Variants in PCED1B observed in about 807,000 individuals in gnomAD.
PCED1B encodes the protein PC-esterase domain-containing protein 1B.
For synonymous variants in PCED1B, 251 were observed against 246.1 expected, an observed-to-expected ratio of 1.02 and a Z score of -0.19; for missense variants, 573 against 573.9, an observed-to-expected ratio of 1.00 and a Z score of 0.02.
chr12:47,147,418 T>C (rs900975432), intron 2 of PCED1B, among the ~76,000 whole-genome samples: 2 of 152,218 alleles, frequency 1.3e-5, no homozygotes, highest in Non-Finnish European at 2.9e-5. Context: ...TACTTCAGTT[T>C]CCAATTCCTT....
chr12:47,219,235 A>G (rs907983493), intron 3 of PCED1B, among the ~76,000 whole-genome samples: 2 of 152,236 alleles, frequency 1.3e-5, no homozygotes, highest in African/African-American at 4.8e-5. Flanking sequence ...TGATAGCAAC[A>G]ATAATAAAAT....
intron 1 of PCED1B, among the ~76,000 whole-genome samples, chr12:47,087,583 A>T (rs1938049346): frequency 1.3e-5 from 2 of 152,234 alleles, no homozygotes; most frequent in Admixed American, 1.3e-4. Context: ...TATAGGATAT[A>T]AGGTGGTATA....
intron 2 of PCED1B, chr12:47,210,375 T>G (rs1419580123): frequency 2.0e-5 from 3 of 152,330 alleles, no homozygotes; most frequent in Admixed American, 1.3e-4. Context: ...AATAGAATAT[T>G]GACATATGAT....
chr12:47,197,433 C>T (rs1325433746), intron 2 of PCED1B, among the ~76,000 whole-genome samples: 3 of 151,142 alleles, frequency 2.0e-5, no homozygotes, highest in African/African-American at 7.3e-5. Context: ...ATGGTGAAAC[C>T]CCATCTCTAC....
chr12:47,233,298 C>G (rs1301443849), intron 3 of PCED1B, among the ~76,000 whole-genome samples: 1 of 152,164 alleles, frequency 6.6e-6, no homozygotes, highest in Non-Finnish European at 1.5e-5. Flanking sequence ...TCCGCCACCA[C>G]GCCCGGCTAA....
chr12:47,216,977 T>C (rs1943278258), intron 3 of PCED1B, among the ~76,000 whole-genome samples: 1 of 152,186 alleles, frequency 6.6e-6, no homozygotes, highest in African/African-American at 2.4e-5. Context: ...TCTGCAATCT[T>C]GTATGTTGTG....
At chr12:47,148,517 CA>C (rs1427616858) in intron 2 of PCED1B, among the ~76,000 whole-genome samples, 1 of 152,146 alleles carries the variant, frequency 6.6e-6, no homozygotes, top group Non-Finnish European at 1.5e-5. Context: ...CAGAGTAGCA[CA>C]ACATAAGCAG....
intron 2 of PCED1B, among the ~76,000 whole-genome samples, chr12:47,109,119 T>C (rs908810910): frequency 2.6e-5 from 4 of 152,240 alleles, no homozygotes; most frequent in African/African-American, 4.8e-5. Flanking sequence ...ACTCTACTTA[T>C]GTTTTTGCAC....
intron 2 of PCED1B, among the ~76,000 whole-genome samples, chr12:47,108,266 G>A (rs552954260): frequency 3.9e-5 from 6 of 152,288 alleles, no homozygotes; most frequent in African/African-American, 9.6e-5. Flanking sequence ...AGTAGCCTGA[G>A]TGCTGATGAG....
chr12:47,116,991 A>G (rs1229679818), intron 2 of PCED1B, among the ~76,000 whole-genome samples: 1 of 152,182 alleles, frequency 6.6e-6, no homozygotes, highest in Non-Finnish European at 1.5e-5. Context: ...TTGATAAATT[A>G]ACCAGATATG....
intron 3 of PCED1B, among the ~76,000 whole-genome samples, chr12:47,228,905 T>C (rs750233670): frequency 6.7e-6 from 1 of 149,828 alleles, no homozygotes; most frequent in African/African-American, 2.5e-5. Context: ...GAAGAGGTAA[T>C]GTTGGTAAAG....
intron 2 of PCED1B, among the ~76,000 whole-genome samples, chr12:47,115,673 A>T (rs11183738): frequency 1.3e-5 from 2 of 152,072 alleles, no homozygotes; most frequent in Non-Finnish European, 2.9e-5. Flanking sequence ...CTTATCTTAG[A>T]GATTAAGTTC....
intron 1 of PCED1B, among the ~76,000 whole-genome samples, chr12:47,089,247 C>G (rs139427036): frequency 0.011 from 1,619 of 151,736 alleles, 26 homozygotes; most frequent in African/African-American, 0.037. Context: ...TCGAGACCAT[C>G]CTGGCTAACA....
intron 2 of PCED1B, among the ~76,000 whole-genome samples, chr12:47,200,298 C>A (rs10450806): frequency 0.02 from 2,980 of 152,100 alleles, 99 homozygotes; most frequent in African/African-American, 0.069. Flanking sequence ...GAATAGACAC[C>A]GCACCAAAAG....
chr12:47,128,792 T>G (rs1197933880), intron 2 of PCED1B, among the ~76,000 whole-genome samples: 2 of 152,234 alleles, frequency 1.3e-5, no homozygotes, highest in Non-Finnish European at 2.9e-5. Flanking sequence ...TTACATGATA[T>G]CTTCTGAGTT....
chr12:47,229,552 A>G (rs1291580915), intron 3 of PCED1B, among the ~76,000 whole-genome samples: 2 of 152,210 alleles, frequency 1.3e-5, no homozygotes, highest in Non-Finnish European at 2.9e-5. Flanking sequence ...TGGAAACACA[A>G]AATTCATTTA....
At chr12:47,100,374 ACTGAATCAT>A (rs1468071686) in intron 1 of PCED1B, among the ~76,000 whole-genome samples, 1 of 152,218 alleles carries the variant, frequency 6.6e-6, no homozygotes, top group African/African-American at 2.4e-5. Flanking sequence ...GTAGAAACCA[ACTGAATCAT>A]CCATCCATCC....
intron 2 of PCED1B, among the ~76,000 whole-genome samples, chr12:47,172,468 C>T (rs1941784186): frequency 6.6e-6 from 1 of 151,332 alleles, no homozygotes; most frequent in South Asian, 2.1e-4. Context: ...AGGGTGAGAC[C>T]CTATCTCAAA....
intron 3 of PCED1B, among the ~76,000 whole-genome samples, chr12:47,220,806 T>G (rs1943453824): frequency 6.6e-6 from 1 of 152,204 alleles, no homozygotes; most frequent in African/African-American, 2.4e-5. Flanking sequence ...GGGAAGGCTC[T>G]CTGACAAAAT....
Sources: gnomAD v4.1 joint callset for allele counts (sites outside exome capture counted in the v4.1 genomes callset) on GRCh38, gnomAD v4.1.1 for gene constraint, MANE v1.5 for transcripts, NCBI Gene and HGNC (gene_info 2026-07-23, HGNC 2026-07-21) for gene names.